Variants in KCNT2 observed in about 807,000 individuals in gnomAD.
KCNT2 encodes the protein potassium channel subfamily T member 2.
A neutral mutation model predicts 153.8 loss-of-function variants in KCNT2; 67 were observed. The ratio of observed to expected loss-of-function variants is 0.44; its 90% CI spans 0.36 to 0.53. The LOEUF is 0.53. KCNT2 is among the 20% of genes least tolerant of loss of function. KCNT2 has a pLI of 0.00. For missense variants in KCNT2, 975 were observed against 1,354.8 expected, an observed-to-expected ratio of 0.72 and a Z score of 4.40; for synonymous variants, 500 against 458.8, an observed-to-expected ratio of 1.09 and a Z score of -1.15.
At chr1:196,601,296 A>G (rs1166500059) in intron 1 of KCNT2, among the ~76,000 whole-genome samples, 1 of 152,222 alleles carries the variant, frequency 6.6e-6, no homozygotes, top group Non-Finnish European at 1.5e-5. Flanking sequence ...ATCTTCAATC[A>G]TGCTCTCTCA....
chr1:196,397,956 T>C (rs1253295915), intron 13 of KCNT2, among the ~76,000 whole-genome samples: 1 of 151,198 alleles, frequency 6.6e-6, no homozygotes, highest in African/African-American at 2.4e-5. Context: ...TACAGAAGCA[T>C]TTAAGAAAAA....
chr1:196,309,606 GA>G (rs1661969646), intron 21 of KCNT2, among the ~76,000 whole-genome samples: 1 of 151,782 alleles, frequency 6.6e-6, no homozygotes, highest in Non-Finnish European at 1.5e-5. Flanking sequence ...GAAAAATCTA[GA>G]ACTAATACTT....
chr1:196,568,649 G>A (rs999300524), intron 1 of KCNT2, among the ~76,000 whole-genome samples: 1 of 151,572 alleles, frequency 6.6e-6, no homozygotes, highest in Non-Finnish European at 1.5e-5. Context: ...GACAGGAGGC[G>A]GAGCTCAGGT....
chr1:196,339,456 C>A (rs1387388275), intron 16 of KCNT2, among the ~76,000 whole-genome samples: 2 of 150,562 alleles, frequency 1.3e-5, no homozygotes, highest in African/African-American at 2.4e-5. Flanking sequence ...AAGTTGTTAT[C>A]ATGGAAGGTT....
chr1:196,306,686 A>C (rs1309807409), intron 21 of KCNT2, among the ~76,000 whole-genome samples: 1 of 151,548 alleles, frequency 6.6e-6, no homozygotes, highest in Admixed American at 6.6e-5. Context: ...ATTCAGGTTA[A>C]GACACTAACA....
intron 13 of KCNT2, among the ~76,000 whole-genome samples, chr1:196,375,951 T>C (rs1668930411): frequency 6.6e-6 from 1 of 151,856 alleles, no homozygotes; most frequent in Non-Finnish European, 1.5e-5. Context: ...TTTATTTGCA[T>C]GCATCACAGA....
At chr1:196,553,464 C>T (rs1373083693) in intron 1 of KCNT2, among the ~76,000 whole-genome samples, 3 of 150,846 alleles carry the variant, frequency 2.0e-5, no homozygotes, top group African/African-American at 7.3e-5. Flanking sequence ...AACAAATGAA[C>T]ATAATAGATA....
chr1:196,533,626 G>A (rs1655205979), intron 1 of KCNT2, among the ~76,000 whole-genome samples: 1 of 152,012 alleles, frequency 6.6e-6, no homozygotes, highest in South Asian at 2.1e-4. Context: ...GAAATCGAGG[G>A]ATTCTTTACA....
At chr1:196,537,198 A>C (rs961749779) in intron 1 of KCNT2, among the ~76,000 whole-genome samples, 3 of 152,204 alleles carry the variant, frequency 2.0e-5, no homozygotes, top group Admixed American at 2.0e-4. Flanking sequence ...CCACTTCAAA[A>C]TCTACAAGAG....
At chr1:196,587,339 T>C (rs1404939901) in intron 1 of KCNT2, among the ~76,000 whole-genome samples, 1 of 152,002 alleles carries the variant, frequency 6.6e-6, no homozygotes, top group Non-Finnish European at 1.5e-5. Flanking sequence ...AGAGATTACA[T>C]AATTGCCCAA....
intron 1 of KCNT2, among the ~76,000 whole-genome samples, chr1:196,501,839 C>T (rs1680725967): frequency 6.6e-6 from 1 of 152,150 alleles, no homozygotes; most frequent in Non-Finnish European, 1.5e-5. Context: ...TAGTTTTGGG[C>T]CGGGAGCGAT....
At chr1:196,293,795 C>T (rs1660415751) in intron 22 of KCNT2, among the ~76,000 whole-genome samples, 1 of 148,770 alleles carries the variant, frequency 6.7e-6, no homozygotes, top group South Asian at 2.1e-4. Context: ...AACCCAAAAG[C>T]ACAAGCAACA....
intron 3 of KCNT2, among the ~76,000 whole-genome samples, chr1:196,488,719 C>T (rs1387947792): frequency 1.3e-5 from 2 of 152,034 alleles, no homozygotes; most frequent in East Asian, 3.9e-4. Flanking sequence ...TTTTATTGTG[C>T]AACACACTAT....
intron 1 of KCNT2, among the ~76,000 whole-genome samples, chr1:196,596,512 C>T (rs1187237372): frequency 1.3e-5 from 2 of 152,030 alleles, no homozygotes; most frequent in African/African-American, 4.8e-5. Context: ...TGTTTGCTGG[C>T]TATTTGTGCA....
chr1:196,546,678 T>G (rs1657143573), intron 1 of KCNT2, among the ~76,000 whole-genome samples: 1 of 152,018 alleles, frequency 6.6e-6, no homozygotes, highest in Non-Finnish European at 1.5e-5. Context: ...CCTATTCTAC[T>G]GTGGTGAAAC....
At chr1:196,251,143 T>A (rs1174666135) in intron 26 of KCNT2, among the ~76,000 whole-genome samples, 1 of 151,960 alleles carries the variant, frequency 6.6e-6, no homozygotes, top group Non-Finnish European at 1.5e-5. Flanking sequence ...AAAGAAAGGA[T>A]ATCTGCACTC....
At chr1:196,411,062 CTTCCTTCCTTCCT>C (rs1558257300) in intron 12 of KCNT2, among the ~76,000 whole-genome samples, 1 of 752 alleles carries the variant, frequency 1.3e-3, no homozygotes, top group East Asian at 0.071. Flanking sequence ...CTATTCCCTC[CTTCCTTCCTTCCT>C]TCCTTCCTTC....
intron 8 of KCNT2, among the ~76,000 whole-genome samples, chr1:196,437,919 T>C (rs1284109955): frequency 2.0e-5 from 3 of 151,542 alleles, no homozygotes; most frequent in African/African-American, 7.3e-5. Context: ...AAAGAGCCTC[T>C]AGAATCTAAA....
intron 1 of KCNT2, among the ~76,000 whole-genome samples, chr1:196,521,669 G>A (rs866285842): frequency 6.6e-6 from 1 of 152,050 alleles, no homozygotes; most frequent in Non-Finnish European, 1.5e-5. Flanking sequence ...GGAGCTGGAC[G>A]GCATCATCCT....
Sources: allele counts gnomAD v4.1 joint callset (sites outside exome capture counted in the v4.1 genomes callset), GRCh38; gene constraint gnomAD v4.1.1; transcripts MANE v1.5; gene names NCBI Gene and HGNC (gene_info 2026-07-23, HGNC 2026-07-21).